IFIH1: variants seen among roughly 807,000 people sequenced by gnomAD.
IFIH1 encodes the protein interferon induced with helicase C domain 1.
IFIH1 carries 125 observed loss-of-function variants against 107.4 expected under a neutral mutation model. The observed-to-expected ratio is 1.16, with a 90% CI of 1.01 to 1.35. The LOEUF (loss-of-function observed/expected upper bound fraction) is 1.35. IFIH1 is among the 40% of genes most tolerant of loss of function. IFIH1 has a pLI of 0.00. For synonymous variants in IFIH1, 458 were observed against 413.2 expected, an observed-to-expected ratio of 1.11 and a Z score of -1.31; for missense variants, 1,333 against 1,213.7, an observed-to-expected ratio of 1.10 and a Z score of -1.46.
intron 8 of IFIH1, among the ~76,000 whole-genome samples, chr2:162,279,026 G>T (rs932651595): frequency 2.0e-5 from 3 of 151,836 alleles, no homozygotes; most frequent in Non-Finnish European, 4.4e-5. Flanking sequence ...ATGCTTCAAG[G>T]TATATAAAAA....
chr2:162,284,680 A>T (rs1443681166), intron 5 of IFIH1, among the ~76,000 whole-genome samples: 1 of 151,988 alleles, frequency 6.6e-6, no homozygotes, highest in African/African-American at 2.4e-5. Flanking sequence ...AGACTACCTT[A>T]TGGGGTTGCT....
intron 4 of IFIH1, among the ~76,000 whole-genome samples, chr2:162,291,430 C>T (rs1682995474): frequency 6.6e-6 from 1 of 150,840 alleles, no homozygotes; most frequent in African/African-American, 2.4e-5. Flanking sequence ...CATATCAGGC[C>T]AATATGTATT....
Position 162,276,879 on chromosome 2 carries a change from T to C in IFIH1, c.2112A>G (p.Leu704=). Residue 704 remains leucine, a synonymous_variant, in exon 11 of 16, where the codon TTA becomes TTG. Transcript: ENST00000649979. Reference sequence around the variant, plus strand: ...TATATTGCTCCATTATGGTATTTCTTAATTTGGTCAGCTTTTCATTTTCAT... The same window carrying C: ...TATATTGCTCCATTATGGTATTTCTCAATTTGGTCAGCTTTTCATTTTCAT... ...PEYENEKLTK[L]RNTIMEQYTR... is the part of the protein sequence containing the mutation. The C allele has an allele frequency of 6.2e-7, 1 of 1,613,262 alleles. No homozygotes were observed. Among genetic ancestry groups the C allele is most frequent in the Non-Finnish European group, 8.5e-7 (1 of 1,179,628 alleles).
At position 162,282,663 on chromosome 2, in the gene IFIH1, A is replaced by G; in HGVS notation, c.1096-87T>C. ...ATCAAAGGCCTGTTTGGCATCCAGCATGAAAAGAGGTGTTTACATTATCAG... is the reference window on the plus strand; with the variant it reads ...ATCAAAGGCCTGTTTGGCATCCAGCGTGAAAAGAGGTGTTTACATTATCAG... On this transcript the variant is annotated intron_variant, in intron 5 of 15. Transcript: ENST00000649979. 3 of 769,658 alleles carry G rather than the reference A, an allele frequency of 3.9e-6. 1 individual carries two copies. In the South Asian group the frequency reaches 5.3e-5, roughly 13 times the overall value. The allele number at this position is 769,658 out of a possible 1,614,324, so 47.7% of individuals were successfully genotyped here. A position where few individuals can be genotyped will look rare whatever the true frequency, so the allele number is the denominator to read the frequency against.
intron 1 of IFIH1, among the ~76,000 whole-genome samples, chr2:162,313,814 T>C (rs1014952223): frequency 2.6e-5 from 4 of 152,236 alleles, no homozygotes; most frequent in African/African-American, 9.6e-5. Flanking sequence ...TAATTTCTTA[T>C]TCATACTTTT....
In IFIH1 at chr2:162,277,712, T is replaced by G; in HGVS notation, c.1766-19A>C. On this transcript the variant is annotated intron_variant, in intron 9 of 15. Transcript: ENST00000649979. Reference sequence around the variant, plus strand: ...TTTGCAGCTGTGAAAAAATATATTATGTAAGTGAAATAATAAGCATATAAA... The same window carrying G: ...TTTGCAGCTGTGAAAAAATATATTAGGTAAGTGAAATAATAAGCATATAAA... 3 of 1,590,780 alleles carry G rather than the reference T, an allele frequency of 1.9e-6. No individual in the cohort carries two copies. Among genetic ancestry groups the G allele is most frequent in the South Asian group, 1.2e-5 (1 of 86,568 alleles).
Position 162,310,864 on chromosome 2 carries a change from C to A in IFIH1, c.523G>T (p.Glu175Ter). The A allele has an allele frequency of 6.2e-7, 1 of 1,613,160 alleles. No individual in the cohort carries two copies. ...RELLKRIVQK[E>*]NWFSAFLNVL... The stretch of plus-strand genomic sequence containing the variant: ...TTCAGAAATGCAGAGAACCAGTTTT[C>A]TTTCTGCACAATCCTTTTTAGTAGC... Residue 175 changes from glutamate (E) to a stop codon, truncating the protein, a stop_gained, in exon 2 of 16, where the codon GAA becomes TAA. Coordinates refer to ENST00000649979, the MANE Select transcript of IFIH1 (RefSeq NM_022168.4). LOFTEE classifies it high-confidence loss of function.
At position 162,318,639 on chromosome 2, in the gene IFIH1, G is replaced by A. The variant is rs1683564847; in HGVS notation, c.-332C>T. 1 of 175,530 alleles carries A rather than the reference G, an allele frequency of 5.7e-6. No individual in the cohort carries two copies. The highest frequency in any genetic ancestry group is 1.2e-5 in the Non-Finnish European group (1 of 83,946). 10.9% of individuals were successfully genotyped at this position (175,530 alleles called of 1,614,324 possible). ...GGCGATCCTGCTGCACACTCGGGTA[G>A]GAGCTTTGAGTCCAGCTTTCTGTCA... On this transcript the variant is annotated 5_prime_UTR_variant, in exon 1 of 16. Transcript: ENST00000649979.
intron 3 of IFIH1, among the ~76,000 whole-genome samples, chr2:162,297,495 G>A (rs1000831280): frequency 2.0e-5 from 3 of 152,056 alleles, no homozygotes; most frequent in African/African-American, 7.2e-5. Context: ...TATATAGAGA[G>A]AGATAGTAGT....
chr2:162,277,580 C>G lies in IFIH1; in HGVS notation c.1879G>C (p.Glu627Gln), dbSNP rs35744605. The change falls in exon 10 of 16, where the codon GAA becomes CAA. Residue 627 changes from glutamate (E) to glutamine (Q), a missense_variant. Transcript: ENST00000649979. ...IRMIDAYTHL[E>Q]TFYNEEKDKK... ...TCTTTCTCTTCATTATAGAAAGTTTCAAGATGAGTATACGCATCTATCATT... is the reference window on the plus strand; with the variant it reads ...TCTTTCTCTTCATTATAGAAAGTTTGAAGATGAGTATACGCATCTATCATT... The G allele has an allele frequency of 1.2e-6, 2 of 1,611,132 alleles. No homozygotes were observed. Among genetic ancestry groups the G allele is most frequent in the East Asian group, 4.5e-5 (2 of 44,822 alleles).
chr2:162,272,619 T>C (rs569333468), intron 12 of IFIH1, among the ~76,000 whole-genome samples: 58 of 152,192 alleles, frequency 3.8e-4, no homozygotes, highest in Non-Finnish European at 7.9e-4. Context: ...AGAGTGATGA[T>C]GGTTAGGCCT....
intron 13 of IFIH1, among the ~76,000 whole-genome samples, chr2:162,271,571 C>T (rs746306474): frequency 1.3e-5 from 2 of 152,054 alleles, no homozygotes; most frequent in African/African-American, 4.8e-5. Context: ...CAGACCTGCA[C>T]GTTGTGCACA....
chr2:162,294,770 A>T (rs1274675385), intron 3 of IFIH1, among the ~76,000 whole-genome samples: 2 of 151,786 alleles, frequency 1.3e-5, no homozygotes, highest in Non-Finnish European at 2.9e-5. Context: ...TATAATATTT[A>T]TACTTAGATA....
chr2:162,288,885 A>G (rs1011339041), intron 4 of IFIH1, among the ~76,000 whole-genome samples: 1 of 151,110 alleles, frequency 6.6e-6, no homozygotes, highest in African/African-American at 2.4e-5. Flanking sequence ...TTTCGTTTGT[A>G]GAAACTTTAT....
chr2:162,294,990 C>T (rs1395922179), intron 3 of IFIH1, among the ~76,000 whole-genome samples: 1 of 151,834 alleles, frequency 6.6e-6, no homozygotes, highest in Non-Finnish European at 1.5e-5. Context: ...TTTTTCAAGT[C>T]AGCTATATTA....
chr2:162,283,811 G>A (rs78916349), intron 5 of IFIH1, among the ~76,000 whole-genome samples: 3,058 of 151,912 alleles, frequency 0.02, 109 homozygotes, highest in African/African-American at 0.071. Flanking sequence ...TCCAAAAGTA[G>A]GTGTCTGGGG....
At chr2:162,302,201 A>G (rs1336680197) in intron 3 of IFIH1, among the ~76,000 whole-genome samples, 1 of 152,138 alleles carries the variant, frequency 6.6e-6, no homozygotes, top group Admixed American at 6.6e-5. Context: ...CAGATGTGTT[A>G]AGGGGTAAAA....
intron 3 of IFIH1, among the ~76,000 whole-genome samples, chr2:162,294,406 T>C (rs1285484904): frequency 1.3e-5 from 2 of 151,968 alleles, no homozygotes; most frequent in Non-Finnish European, 2.9e-5. Context: ...AATTCTTTTC[T>C]TACAGTTTAT....
At chr2:162,293,890 A>G (rs1489089005) in intron 3 of IFIH1, among the ~76,000 whole-genome samples, 1 of 151,888 alleles carries the variant, frequency 6.6e-6, no homozygotes, top group Non-Finnish European at 1.5e-5. Flanking sequence ...CATATTACCT[A>G]CTTAAAGTAC....
Sources: gnomAD v4.1 joint callset for allele counts (sites outside exome capture counted in the v4.1 genomes callset) on GRCh38, gnomAD v4.1.1 for gene constraint, MANE v1.5 for transcripts, NCBI Gene and HGNC (gene_info 2026-07-23, HGNC 2026-07-21) for gene names.